The following PJA2 variants were observed in gnomAD, a reference collection of about 807,000 sequenced individuals.
PJA2 encodes praja ring finger ubiquitin ligase 2, also known as E3 ubiquitin-protein ligase Praja-2.
PJA2 carries 25 observed loss-of-function variants against 69.3 expected under a neutral mutation model. The ratio of observed to expected loss-of-function variants is 0.36; its 90% CI spans 0.26 to 0.50. The LOEUF (loss-of-function observed/expected upper bound fraction) is 0.50, where lower values mean the gene tolerates loss of function less well. PJA2 is among the 20% of genes least tolerant of loss of function. PJA2 has a pLI of 0.96. For missense variants in PJA2, 809 were observed against 830.2 expected, an observed-to-expected ratio of 0.97 and a Z score of 0.31; for synonymous variants, 308 against 277.8, an observed-to-expected ratio of 1.11 and a Z score of -1.08.
At chr5:109,397,614 G>A (rs1053535388) in intron 1 of PJA2, among the ~76,000 whole-genome samples, 1 of 151,320 alleles carries the variant, frequency 6.6e-6, no homozygotes. Flanking sequence ...TGCCTCTCAG[G>A]TTCAAGCAAT....
At chr5:109,383,982 C>T (rs1193614206) in intron 1 of PJA2, among the ~76,000 whole-genome samples, 2 of 152,102 alleles carry the variant, frequency 1.3e-5, no homozygotes, top group East Asian at 3.9e-4. Flanking sequence ...CAATCAAAAA[C>T]TCTCAGAAAT....
At chr5:109,402,951 C>G (rs1747585533) in intron 1 of PJA2, among the ~76,000 whole-genome samples, 2 of 151,832 alleles carry the variant, frequency 1.3e-5, no homozygotes. Context: ...AAAAAGGTCT[C>G]AAGTCAATGA....
At chr5:109,386,716 C>A (rs1016994149) in intron 1 of PJA2, among the ~76,000 whole-genome samples, 1 of 152,076 alleles carries the variant, frequency 6.6e-6, no homozygotes, top group African/African-American at 2.4e-5. Flanking sequence ...GAGGCAAACA[C>A]TGAGTCCTTG....
In PJA2 at chr5:109,336,899, T is replaced by G. The variant is rs751130449; in HGVS notation, c.*332A>C. 1 of 159,832 alleles carries G rather than the reference T, an allele frequency of 6.3e-6. No homozygotes were observed. The highest frequency in any genetic ancestry group is 2.4e-5 in the African/African-American group (1 of 41,538). 9.9% of individuals were successfully genotyped at this position (159,832 alleles called of 1,614,324 possible). On this transcript the variant is annotated 3_prime_UTR_variant, in exon 10 of 10. Transcript: ENST00000361189. ...ACAGGACAGCTTAATTATAATCACT[T>G]AGTGGCAGTATTACAGACAAAGCCA...
In PJA2 at chr5:109,356,037, A is replaced by T. The variant is rs2431253; in HGVS notation, c.1653-11T>A. The T allele has an allele frequency of 0.6, 950,429 of 1,574,022 alleles. 299,321 individuals carry two copies. Among genetic ancestry groups the T allele is most frequent in the Middle Eastern group, 0.65 (3,868 of 5,976 alleles). On this transcript the variant is annotated splice_polypyrimidine_tract_variant and intron_variant, in intron 6 of 9. Transcript: ENST00000361189. ...AAGCCATCAAATAGGCTGAAAAAAA[A>T]AAAAAATAACAGAAAAAACTCACCA...
At chr5:109,349,796 A>G (rs1762219781) in intron 7 of PJA2, among the ~76,000 whole-genome samples, 1 of 151,934 alleles carries the variant, frequency 6.6e-6, no homozygotes, top group African/African-American at 2.4e-5. Flanking sequence ...AATTATCTTT[A>G]TTTCCTCCTA....
At chr5:109,366,273 T>C (rs1762584934) in intron 5 of PJA2, among the ~76,000 whole-genome samples, 1 of 152,224 alleles carries the variant, frequency 6.6e-6, no homozygotes, top group Non-Finnish European at 1.5e-5. Flanking sequence ...AAAATAAATA[T>C]GTAATCATAG....
chr5:109,344,561 G>A (rs980016028), intron 8 of PJA2, 144 bp downstream of exon 8: 4 of 643,084 alleles, frequency 6.2e-6, no homozygotes, highest in Non-Finnish European at 1.0e-5. Context: ...CTTGTACTAG[G>A]TGAAAGTTTG....
intron 7 of PJA2, among the ~76,000 whole-genome samples, chr5:109,348,825 T>G (rs1423175643): frequency 6.6e-6 from 1 of 152,212 alleles, no homozygotes; most frequent in African/African-American, 2.4e-5. Flanking sequence ...TTCAGTCTCA[T>G]GAGCAAATAC....
intron 1 of PJA2, among the ~76,000 whole-genome samples, chr5:109,399,173 T>A (rs1747485240): frequency 9.6e-6 from 1 of 104,350 alleles, no homozygotes; most frequent in Non-Finnish European, 1.9e-5. Context: ...ATCACGCTAA[T>A]GCACTCCAGC....
intron 5 of PJA2, among the ~76,000 whole-genome samples, chr5:109,364,622 C>CAAAAAAAAAAAA (rs200663624): frequency 0.022 from 1,314 of 61,066 alleles, 5 homozygotes; most frequent in Non-Finnish European, 0.036. Context: ...GACTCTGTCT[C>CAAAAAAAAAAAA]AAAAAAAAAA....
chr5:109,342,152 G>T (rs1762079536), intron 9 of PJA2, among the ~76,000 whole-genome samples: 1 of 111,202 alleles, frequency 9.0e-6, no homozygotes, highest in African/African-American at 3.4e-5. Flanking sequence ...GGAGGTGGGG[G>T]GGTCAGCCCC....
At chr5:109,390,766 T>C (rs1407751568) in intron 1 of PJA2, 1 of 152,134 alleles carries the variant, frequency 6.6e-6, no homozygotes, top group African/African-American at 2.4e-5. Flanking sequence ...TTCCTAGAAA[T>C]TACAAAATGT....
At chr5:109,337,424 G>GA (rs1186093422) in intron 9 of PJA2, 68 bp from the exon 10 acceptor site, 28 of 1,474,820 alleles carry the variant, frequency 1.9e-5, no homozygotes, top group Non-Finnish European at 2.4e-5. Flanking sequence ...ACTTAATAAA[G>GA]AAAAAACAGT....
chr5:109,409,385 G>A (rs181201584), intron 1 of PJA2: 1 of 152,574 alleles, frequency 6.6e-6, no homozygotes, highest in Non-Finnish European at 1.5e-5. Flanking sequence ...TGTGGCGTAA[G>A]ATGGTTCCGC....
At chr5:109,395,157 A>G (rs1449396703) in intron 1 of PJA2, among the ~76,000 whole-genome samples, 1 of 152,236 alleles carries the variant, frequency 6.6e-6, no homozygotes, top group Non-Finnish European at 1.5e-5. Context: ...AATTTCAAAG[A>G]ATATGAACTC....
At chr5:109,405,000 ACTGAT>A (rs1192352581) in intron 1 of PJA2, among the ~76,000 whole-genome samples, 1 of 152,158 alleles carries the variant, frequency 6.6e-6, no homozygotes, top group Non-Finnish European at 1.5e-5. Context: ...AAATAATAAA[ACTGAT>A]CTATATTTGC....
In PJA2 at chr5:109,378,821, A is replaced by C. The variant is rs1375680854; in HGVS notation, c.666T>G (p.Phe222Leu). 22 of 1,613,682 alleles carry C rather than the reference A, an allele frequency of 1.4e-5. No homozygotes were observed. Among genetic ancestry groups the C allele is most frequent in the Non-Finnish European group, 1.9e-5 (22 of 1,180,020 alleles). Reference protein sequence around the residue: ...YTGLSPPVPSFNCEVRDEFEE... With the variant: ...YTGLSPPVPSLNCEVRDEFEE... ...CAAACTCATCTCTTACTTCACAGTT[A>C]AATGAGGGAACTGGTGGTGAAAGAC... is the stretch of plus-strand genomic sequence containing the variant. Residue 222 changes from phenylalanine to leucine, a missense_variant, in exon 4 of 10, where the codon TTT becomes TTG. Phe to Leu is a conservative substitution (Grantham distance 22, BLOSUM62 0). This residue lies in a region of PJA2 where 700 missense variants were observed against 639.5 expected (regional missense o/e 1.09). Transcript: ENST00000361189.
rs936336044 is a variant in PJA2 at position 109,337,029 on chromosome 5, T to A, written c.*202A>T. 4 of 327,182 alleles carry A rather than the reference T, an allele frequency of 1.2e-5. No homozygotes were observed. Among genetic ancestry groups the A allele is most frequent in the African/African-American group, 4.4e-5 (2 of 45,754 alleles). The allele number at this position is 327,182 out of a possible 1,614,324, so 20.3% of individuals were successfully genotyped here. A position where few individuals can be genotyped will look rare whatever the true frequency, so the allele number is the denominator to read the frequency against. On this transcript the variant is annotated 3_prime_UTR_variant, in exon 10 of 10. Coordinates refer to ENST00000361189, the MANE Select transcript of PJA2 (RefSeq NM_014819.5). ...ATTCAACTAAAGAAAATGGATGCAC[T>A]GTCTCAACATTCAGCTTAAAAATGT... is the stretch of plus-strand genomic sequence containing the variant.
Sources: allele counts gnomAD v4.1 joint callset (sites outside exome capture counted in the v4.1 genomes callset), GRCh38; gene constraint gnomAD v4.1.1; regional missense constraint gnomAD v4.1.1; transcripts MANE v1.5; gene names NCBI Gene and HGNC (gene_info 2026-07-23, HGNC 2026-07-21).